TMEM117: variants seen among roughly 807,000 people sequenced by gnomAD.
The protein encoded by TMEM117 is transmembrane protein 117.
A neutral mutation model predicts 52.4 loss-of-function variants in TMEM117; 27 were observed. That is an observed-to-expected ratio of 0.51 (90% CI 0.38 to 0.71). The LOEUF (loss-of-function observed/expected upper bound fraction) is 0.71. Ranked by LOEUF, TMEM117 falls within the 30% of genes least tolerant of loss-of-function variation. The probability of loss-of-function intolerance (pLI) is 0.00; values close to 1 mark genes in which losing one functional copy is unlikely to be tolerated. For synonymous variants in TMEM117, 215 were observed against 206.3 expected, an observed-to-expected ratio of 1.04 and a Z score of -0.36; for missense variants, 556 against 630.5, an observed-to-expected ratio of 0.88 and a Z score of 1.26.
chr12:44,342,098 A>G (rs563713770), intron 6 of TMEM117, among the ~76,000 whole-genome samples: 78 of 152,302 alleles, frequency 5.1e-4, no homozygotes, highest in Middle Eastern at 3.4e-3. Flanking sequence ...AACGTAAAGT[A>G]TATTGTAAAA....
At position 43,852,667 on chromosome 12, in the gene TMEM117, A is replaced by G. The variant is rs117885223; in HGVS notation, c.277+7739A>G. 7.2e-5 allele frequency among the ~76,000 whole-genome samples: 11 copies of G among 152,356 alleles called. No individual in the cohort carries two copies. The East Asian group carries it at 1.9e-3, about 27-fold the overall frequency. On this transcript the variant is annotated intron_variant, in intron 2 of 7. Transcript: ENST00000266534. ...TGCTTTATTTCATGAAAACATTTCT[A>G]TGAAGGGCAAAGTGATAAGGGTTCA...
intron 2 of TMEM117, among the ~76,000 whole-genome samples, chr12:43,872,228 GCTACCTAT>G (rs1943718434): frequency 6.6e-6 from 1 of 152,114 alleles, no homozygotes. Context: ...AGAACTACCT[GCTACCTAT>G]CTCAATTGCA....
chr12:43,818,566 G>A, the TMEM117 span, among the ~76,000 whole-genome samples: 6 of 151,866 alleles, frequency 4.0e-5, no homozygotes, highest in African/African-American at 1.2e-4. Context: ...TCAGCCTCCC[G>A]AGTAGCTGGG....
chr12:43,837,909 G>A (rs893696554), intron 1 of TMEM117, among the ~76,000 whole-genome samples: 1 of 152,134 alleles, frequency 6.6e-6, no homozygotes, highest in Non-Finnish European at 1.5e-5. Context: ...TAAAGGTTGA[G>A]ACAATGTGAA....
chr12:44,323,893 T>G (rs1730049573), intron 6 of TMEM117, among the ~76,000 whole-genome samples: 1 of 152,128 alleles, frequency 6.6e-6, no homozygotes, highest in Admixed American at 6.6e-5. Context: ...ATCATGGTTA[T>G]GTTAGTCTTA....
the TMEM117 span, among the ~76,000 whole-genome samples, chr12:43,815,114 C>T: frequency 6.6e-6 from 1 of 152,166 alleles, no homozygotes; most frequent in African/African-American, 2.4e-5. Flanking sequence ...TCTTTCCAGA[C>T]GTCTCACTTT....
intron 2 of TMEM117, among the ~76,000 whole-genome samples, chr12:43,868,146 C>T (rs966204960): frequency 2.9e-5 from 4 of 137,732 alleles, no homozygotes; most frequent in Non-Finnish European, 5.0e-5. Context: ...CTCTCCTTCT[C>T]TCTCTCTCTT....
chr12:44,359,388 C>T (rs1249511879), intron 6 of TMEM117, among the ~76,000 whole-genome samples: 1 of 151,748 alleles, frequency 6.6e-6, no homozygotes, highest in African/African-American at 2.4e-5. Flanking sequence ...GATATATTAC[C>T]TTATGTCTTT....
chr12:44,274,683 G>T (rs1950490634), intron 5 of TMEM117, among the ~76,000 whole-genome samples: 1 of 152,024 alleles, frequency 6.6e-6, no homozygotes, highest in Non-Finnish European at 1.5e-5. Context: ...TAACAGACGT[G>T]CCAGGAACAT....
At chr12:44,000,967 G>T (rs1946107443) in intron 3 of TMEM117, among the ~76,000 whole-genome samples, 1 of 152,148 alleles carries the variant, frequency 6.6e-6, no homozygotes, top group Admixed American at 6.5e-5. Context: ...ATCCAGCTTT[G>T]AAGTTGTGGT....
chr12:43,918,804 A>G (rs1220344127), intron 2 of TMEM117, among the ~76,000 whole-genome samples: 3 of 152,188 alleles, frequency 2.0e-5, no homozygotes, highest in Admixed American at 1.3e-4. Flanking sequence ...TGCCTCTGAA[A>G]ATACTTTCTT....
intron 6 of TMEM117, among the ~76,000 whole-genome samples, chr12:44,351,883 G>C (rs1345853126): frequency 1.3e-5 from 2 of 151,698 alleles, no homozygotes; most frequent in African/African-American, 4.8e-5. Context: ...ATGCTTCCGG[G>C]ATGAGGTTCC....
chr12:44,390,735 A>G (rs1952157494), downstream of TMEM117, among the ~76,000 whole-genome samples: 1 of 152,136 alleles, frequency 6.6e-6, no homozygotes, highest in Admixed American at 6.6e-5. Context: ...CAGCCTTCTA[A>G]GGCTTCCAAC....
chr12:44,146,980 A>G (rs894846839), intron 4 of TMEM117, among the ~76,000 whole-genome samples: 1 of 152,260 alleles, frequency 6.6e-6, no homozygotes, highest in Non-Finnish European at 1.5e-5. Context: ...TTTGGCCCTC[A>G]CATTACAGAG....
chr12:43,919,002 G>A (rs746475870), intron 2 of TMEM117, among the ~76,000 whole-genome samples: 1 of 152,076 alleles, frequency 6.6e-6, no homozygotes, highest in East Asian at 1.9e-4. Context: ...TTTCCTGCAA[G>A]TATTAAGTGA....
chr12:43,992,240 C>T (rs754299307), intron 3 of TMEM117, among the ~76,000 whole-genome samples: 31 of 151,676 alleles, frequency 2.0e-4, no homozygotes, highest in Non-Finnish European at 3.8e-4. Context: ...CATGTACTTC[C>T]GAATTAGTTT....
intron 4 of TMEM117, among the ~76,000 whole-genome samples, chr12:44,209,883 G>A (rs1385912113): frequency 6.6e-6 from 1 of 152,010 alleles, no homozygotes; most frequent in Non-Finnish European, 1.5e-5. Flanking sequence ...AGACCATTTT[G>A]GATGACCCTG....
intron 3 of TMEM117, among the ~76,000 whole-genome samples, chr12:44,136,911 T>A (rs1948499041): frequency 6.6e-6 from 1 of 152,098 alleles, no homozygotes; most frequent in South Asian, 2.1e-4. Flanking sequence ...GGCACACAAT[T>A]TGTCTTTGAT....
At chr12:43,806,221 C>G in the TMEM117 span, 1 of 1,540,670 alleles carries the variant, frequency 6.5e-7, no homozygotes, top group East Asian at 2.5e-5. Context: ...GCGCTGTTAC[C>G]TTGGATGCCG....
Sources: gnomAD v4.1 joint callset for allele counts (sites outside exome capture counted in the v4.1 genomes callset) on GRCh38, gnomAD v4.1.1 for gene constraint, MANE v1.5 for transcripts, NCBI Gene and HGNC (gene_info 2026-07-23, HGNC 2026-07-21) for gene names.